CERT1: variants seen among roughly 807,000 people sequenced by gnomAD.
The protein encoded by CERT1 is ceramide transfer protein.
A neutral mutation model predicts 87.9 loss-of-function variants in CERT1; 31 were observed. The ratio of observed to expected loss-of-function variants is 0.35; its 90% confidence interval spans 0.27 to 0.48. The LOEUF is 0.48. CERT1 is among the 20% of genes least tolerant of loss of function. The pLI is 0.99. For synonymous variants in CERT1, 289 were observed against 250.9 expected (o/e 1.15, Z -1.44); for missense variants, 487 against 758.0 (o/e 0.64, Z 4.20).
At chr5:75,389,514 T>TA (rs2112031948) in intron 12 of CERT1, 78 bp downstream of exon 12, 1 of 1,056,276 alleles carries the variant, frequency 9.5e-7, no homozygotes, top group Non-Finnish European at 1.5e-6. Context: ...GTGCTATCCT[T>TA]ATTCATATCA....
intron 1 of CERT1, among the ~76,000 whole-genome samples, chr5:75,510,384 T>A (rs1420427647): frequency 6.6e-6 from 1 of 152,180 alleles, no homozygotes; most frequent in African/African-American, 2.4e-5. Context: ...ACAGGGATTT[T>A]AAAAAATATA....
At chr5:75,380,525 A>G (rs928417066) in intron 16 of CERT1, among the ~76,000 whole-genome samples, 7 of 152,132 alleles carry the variant, frequency 4.6e-5, no homozygotes, top group Non-Finnish European at 7.4e-5. Context: ...GCAGTGGCTC[A>G]CGCCTGTAAT....
intron 1 of CERT1, 131 bp from the exon 2 acceptor site, chr5:75,506,247 A>T: frequency 1.4e-6 from 1 of 710,292 alleles, no homozygotes; most frequent in Non-Finnish European, 2.2e-6. Context: ...TTCTAAGCAT[A>T]AACAGTAAAA....
intron 2 of CERT1, among the ~76,000 whole-genome samples, chr5:75,496,875 CTG>C (rs1211407772): frequency 6.6e-6 from 1 of 152,072 alleles, no homozygotes; most frequent in African/African-American, 2.4e-5. Flanking sequence ...GACTATATGA[CTG>C]TATGCATTTG....
In CERT1 at chr5:75,389,675, C is replaced by A. The variant is rs114564914; in HGVS notation, c.1201G>T (p.Val401Leu). Residue 401 changes from valine (V) to leucine (L), a missense_variant, in exon 12 of 17, where the codon GTG becomes TTG. Physicochemically the swap from Val to Leu is conservative, Grantham distance 32 (BLOSUM62 1). Around this residue, in one of 8 missense-constraint regions of CERT1, gnomAD observed 91 missense variants for 86.7 expected, o/e 1.05. Transcript: ENST00000643780. Reference sequence around the variant, plus strand: ...AATGAGTAAGTCATGTGGTTCTGCACCATCTCTTCAACCTTGAGAAGGGAG... The same window carrying A: ...AATGAGTAAGTCATGTGGTTCTGCAACATCTCTTCAACCTTGAGAAGGGAG... ...HRFSSQVEEMVQNHMTYSLQD... is the reference protein window; with the variant it reads ...HRFSSQVEEMLQNHMTYSLQD... 4 of 1,613,826 alleles carry A rather than the reference C, an allele frequency of 2.5e-6. No individual in the cohort carries two copies. In the African/African-American group the frequency reaches 5.3e-5, roughly 22 times the overall value.
chr5:75,494,146 G>A (rs1766946387), intron 2 of CERT1, among the ~76,000 whole-genome samples: 1 of 152,054 alleles, frequency 6.6e-6, no homozygotes, highest in African/African-American at 2.4e-5. Context: ...ATAGTCCTTT[G>A]CTGTCTGCTC....
intron 2 of CERT1, among the ~76,000 whole-genome samples, chr5:75,496,403 A>C (rs1767071685): frequency 6.6e-6 from 1 of 152,202 alleles, no homozygotes; most frequent in South Asian, 2.1e-4. Flanking sequence ...CACTTTGGAA[A>C]ACAGTTTCAC....
chr5:75,412,767 A>G (rs1762981624), intron 7 of CERT1, among the ~76,000 whole-genome samples: 1 of 152,216 alleles, frequency 6.6e-6, no homozygotes, highest in South Asian at 2.1e-4. Flanking sequence ...GCACTTATGA[A>G]TGGAGCTTGC....
chr5:75,509,881 C>T (rs1343717231), intron 1 of CERT1, among the ~76,000 whole-genome samples: 1 of 152,138 alleles, frequency 6.6e-6, no homozygotes, highest in Non-Finnish European at 1.5e-5. Context: ...AGGAGCTTCT[C>T]GTTACTGAAA....
chr5:75,511,792 G>A (rs1030684376), upstream of CERT1: 15 of 1,551,462 alleles, frequency 9.7e-6, no homozygotes, highest in African/African-American at 1.8e-4. Context: ...GGGTAGAAAA[G>A]CAGGAGGAGC....
chr5:75,482,683 A>G (rs1250112768), intron 2 of CERT1, among the ~76,000 whole-genome samples: 1 of 152,178 alleles, frequency 6.6e-6, no homozygotes, highest in Non-Finnish European at 1.5e-5. Flanking sequence ...AGCTCAACGC[A>G]AAGAAACTCC....
intron 14 of CERT1, among the ~76,000 whole-genome samples, chr5:75,384,183 T>C (rs1176848494): frequency 1.3e-5 from 2 of 152,180 alleles, no homozygotes; most frequent in Admixed American, 1.3e-4. Flanking sequence ...AACTAGATAC[T>C]AGAAAGGTAT....
At chr5:75,455,379 C>G (rs1012594395) in intron 3 of CERT1, among the ~76,000 whole-genome samples, 2 of 152,156 alleles carry the variant, frequency 1.3e-5, no homozygotes, top group Non-Finnish European at 1.5e-5. Flanking sequence ...AATCCCGAAG[C>G]ACAGATTTTT....
chr5:75,411,807 G>T (rs1762944615), intron 7 of CERT1, among the ~76,000 whole-genome samples: 1 of 152,090 alleles, frequency 6.6e-6, no homozygotes, highest in African/African-American at 2.4e-5. Flanking sequence ...CATTTATTTT[G>T]GTATGAAGAA....
chr5:75,381,683 A>G (rs1244977202), intron 15 of CERT1, among the ~76,000 whole-genome samples: 1 of 152,150 alleles, frequency 6.6e-6, no homozygotes, highest in African/African-American at 2.4e-5. Context: ...GAAGTAGCCT[A>G]CTGCCCAGTG....
chr5:75,423,093 A>G (rs1763455287), intron 5 of CERT1, among the ~76,000 whole-genome samples: 1 of 152,226 alleles, frequency 6.6e-6, no homozygotes. Flanking sequence ...TCAATTTGCT[A>G]TTTATTTAAA....
chr5:75,498,357 G>A (rs1561305522), intron 2 of CERT1, among the ~76,000 whole-genome samples: 1 of 152,224 alleles, frequency 6.6e-6, no homozygotes. Flanking sequence ...TGTCTCCAGG[G>A]CATGTCCGAG....
intron 6 of CERT1, among the ~76,000 whole-genome samples, chr5:75,417,808 T>C (rs56082155): frequency 0.078 from 11,941 of 152,318 alleles, 564 homozygotes; most frequent in South Asian, 0.17. Context: ...TTGTGTGGCA[T>C]ATATTTAATA....
chr5:75,379,325 A>G lies in CERT1; in HGVS notation c.*21T>C, dbSNP rs369106666. ...ATAAAGTTAAAAAAAGATAAAACAT[A>G]TCTTCTAGTACCTGTTAATACTAGA... On this transcript the variant is annotated 3_prime_UTR_variant, in exon 17 of 17. Transcript: ENST00000643780. The G allele has an allele frequency of 6.3e-7, 1 of 1,577,136 alleles. No individual in the cohort carries two copies. Among genetic ancestry groups the G allele is most frequent in the Non-Finnish European group, 8.6e-7 (1 of 1,161,690 alleles).
Sources: gnomAD v4.1 joint callset for allele counts (sites outside exome capture counted in the v4.1 genomes callset) on GRCh38, gnomAD v4.1.1 for gene constraint, gnomAD v4.1.1 regional missense constraint, MANE v1.5 for transcripts, NCBI Gene and HGNC (gene_info 2026-07-23, HGNC 2026-07-21) for gene names.